Variants in MYO1F observed in about 807,000 individuals in gnomAD.
MYO1F encodes myosin IF.
In MYO1F, 60 loss-of-function variants were observed where a neutral mutation model predicts 146.6. That is an observed-to-expected ratio of 0.41 (90% CI 0.33 to 0.51). The LOEUF (loss-of-function observed/expected upper bound fraction) is 0.51. Ranked by LOEUF, MYO1F falls within the 20% of genes least tolerant of loss-of-function variation. The pLI, the probability that MYO1F is intolerant of heterozygous loss-of-function variation, is 0.25. For synonymous variants in MYO1F, 602 were observed against 602.1 expected, an observed-to-expected ratio of 1.00 and a Z score of 0.00; for missense variants, 1,274 against 1,534.3, an observed-to-expected ratio of 0.83 and a Z score of 2.83.
rs1599986707 is a variant in MYO1F at position 8,550,792 on chromosome 19, G to GA, written c.772-99dup. ...GGACCACAGCACGGACTCAGGGAGT[G>GA]AGCACCCTTGGGTCCCTGTCCTACC... On this transcript the variant is annotated intron_variant, in intron 8 of 27. Coordinates refer to ENST00000644032, the MANE Select transcript of MYO1F (RefSeq NM_012335.4). The GA allele has an allele frequency of 5.2e-6, 8 of 1,545,314 alleles. No individual in the cohort carries two copies. In the East Asian group the frequency reaches 1.8e-4, roughly 35 times the overall value.
Position 8,536,396 on chromosome 19 carries a change from C to T in MYO1F, c.1899G>A (p.Arg633=), listed in dbSNP as rs1972714637. 6.2e-7 allele frequency: 1 copy of T among 1,605,872 alleles called. No homozygotes were observed. Among genetic ancestry groups the T allele is most frequent in the African/African-American group, 1.3e-5 (1 of 74,656 alleles). Residue 633 remains arginine (R), a splice_region_variant and synonymous_variant, in exon 19 of 28, where the codon AGG becomes AGA. Coordinates refer to ENST00000644032, the MANE Select transcript of MYO1F (RefSeq NM_012335.4). ...YRRQFAKFLQ[R]YAILTPETWP... ...ACGTCTCGGGGGTCAGAATGGCATA[C>T]CTGAGGGCGGAGGGCTGGGGTGTGG...
chr19:8,526,531 A>C lies in MYO1F; in HGVS notation c.2692T>G (p.Phe898Val). ...GTRSVTFSRG[F>V]GDLAVLKVGG... The stretch of plus-strand genomic sequence containing the variant: ...ACCTTGAGCACTGCCAAGTCGCCGA[A>C]GCCGCGGGAGAAGGTGACGCTGCGG... The change falls in exon 24 of 28, where the codon TTC (phenylalanine) becomes GTC (valine). Residue 898 changes from phenylalanine to valine, a missense_variant. Phe to Val is a conservative substitution (Grantham distance 50). Transcript: ENST00000644032. 1.3e-6 allele frequency: 2 copies of C among 1,590,592 alleles called. No individual in the cohort carries two copies. The highest frequency in any genetic ancestry group is 1.7e-6 in the Non-Finnish European group (2 of 1,170,624).
chr19:8,536,818 G>C, intron 17 of MYO1F, 131 bp downstream of exon 17: 1 of 677,788 alleles, frequency 1.5e-6, no homozygotes, highest in Non-Finnish European at 2.6e-6. Context: ...TTCTGCAGGT[G>C]GGGGATTGTG....
chr19:8,544,141 G>C, intron 14 of MYO1F, 156 bp downstream of exon 14: 1 of 833,288 alleles, frequency 1.2e-6, no homozygotes, highest in Non-Finnish European at 2.0e-6. Context: ...TGGTTAGTAG[G>C]GGGTGGATTG....
At chr19:8,559,839 A>G (rs1974004601) in intron 1 of MYO1F, among the ~76,000 whole-genome samples, 1 of 150,232 alleles carries the variant, frequency 6.7e-6, no homozygotes, top group Non-Finnish European at 1.5e-5. Flanking sequence ...AATCCCAGCT[A>G]CTCGGGAGGC....
chr19:8,541,235 A>G (rs934398269), intron 15 of MYO1F, among the ~76,000 whole-genome samples: 2 of 151,938 alleles, frequency 1.3e-5, no homozygotes, highest in Admixed American at 6.6e-5. Flanking sequence ...GGGTCTTGCT[A>G]TGTTGCCCAG....
At position 8,530,303 on chromosome 19, in the gene MYO1F, C is replaced by A. The variant is rs776629967; in HGVS notation, c.2221G>T (p.Gly741Trp). 1 of 1,614,106 alleles carries A rather than the reference C, an allele frequency of 6.2e-7. No individual in the cohort carries two copies. Among genetic ancestry groups the A allele is most frequent in the Non-Finnish European group, 8.5e-7 (1 of 1,180,022 alleles). ...RRNSINRNFV[G>W]DYLGLEERPE... ...CGCTCCTCCAGCCCCAGGTAGTCCC[C>A]GACGAAGTTCCGATTGATGCTGTTG... is the stretch of plus-strand genomic sequence containing the variant. Residue 741 changes from glycine to tryptophan, a missense_variant, in exon 21 of 28, where the codon GGG (glycine) becomes TGG (tryptophan). By Grantham distance (184) the Gly-to-Trp change is radical. Coordinates refer to ENST00000644032, the MANE Select transcript of MYO1F (RefSeq NM_012335.4). This position sits in a 1 kb window ranked among gnomAD's most constrained non-coding sequence, Gnocchi z 5.8.
Position 8,537,147 on chromosome 19 carries a change from C to T in MYO1F, c.1693-92G>A. 5 of 854,544 alleles carry T rather than the reference C, an allele frequency of 5.9e-6. No individual in the cohort carries two copies. The South Asian group carries it at 7.1e-5, about 12-fold the overall frequency. 52.9% of individuals were successfully genotyped at this position (854,544 alleles called of 1,614,324 possible). ...CCACCCTGGATACAGTCCCAATAGA[C>T]AGAGACTGGGGGTGGGTGAGGGCTG... On this transcript the variant is annotated intron_variant, in intron 16 of 27. Coordinates refer to ENST00000644032, the MANE Select transcript of MYO1F (RefSeq NM_012335.4).
chr19:8,537,131 A>T (rs1192487298), intron 16 of MYO1F, 76 bp from the exon 17 acceptor site: 4 of 961,850 alleles, frequency 4.2e-6, no homozygotes, highest in Non-Finnish European at 6.5e-6. Flanking sequence ...TCCACCCTGG[A>T]TACAGTCCCA....
chr19:8,554,782 T>C, intron 2 of MYO1F, 39 bp from the exon 3 acceptor site: 1 of 1,590,142 alleles, frequency 6.3e-7, no homozygotes, highest in Non-Finnish European at 8.6e-7. Context: ...TCCTGGTAGG[T>C]TTTGTCCTCC....
At chr19:8,574,698 T>C (rs1347854697) in intron 1 of MYO1F, among the ~76,000 whole-genome samples, 1 of 109,030 alleles carries the variant, frequency 9.2e-6, no homozygotes, top group African/African-American at 2.9e-5. Flanking sequence ...TTTCTCTTTC[T>C]CTCTTTCTTT....
chr19:8,568,119 G>A (rs1334182682), intron 1 of MYO1F, among the ~76,000 whole-genome samples: 1 of 151,994 alleles, frequency 6.6e-6, no homozygotes, highest in Admixed American at 6.6e-5. Flanking sequence ...CCATGCTCCA[G>A]CCACCTGTAA....
chr19:8,525,644 T>A, intron 24 of MYO1F, 82 bp from the exon 25 acceptor site: 3 of 1,191,680 alleles, frequency 2.5e-6, no homozygotes, highest in Non-Finnish European at 3.6e-6. Flanking sequence ...ATTCTGAGGC[T>A]CCGCCGCACC....
At chr19:8,550,741 A>C (rs1362483877) in intron 8 of MYO1F, 47 bp from the exon 9 acceptor site, 2 of 1,611,518 alleles carry the variant, frequency 1.2e-6, no homozygotes, top group African/African-American at 2.7e-5. Flanking sequence ...CCTGGCCTCC[A>C]ACCTGCCTCC....
chr19:8,522,340 A>G, intron 27 of MYO1F, 37 bp downstream of exon 27: 3 of 1,612,534 alleles, frequency 1.9e-6, no homozygotes, highest in South Asian at 1.1e-5. Flanking sequence ...GGTTCTTACC[A>G]CTCCCCTCAC....
intron 27 of MYO1F, 38 bp from the exon 28 acceptor site, chr19:8,521,642 G>T (rs780912457): frequency 3.1e-6 from 5 of 1,593,144 alleles, no homozygotes; most frequent in African/African-American, 1.3e-5. Flanking sequence ...CCCCTAGCTG[G>T]CCCTGGAGAA....
At chr19:8,549,718 T>A (rs1380686027) in intron 10 of MYO1F, 2 of 193,166 alleles carry the variant, frequency 1.0e-5, no homozygotes, top group Non-Finnish European at 2.2e-5. Context: ...TTGGCCAGGC[T>A]GGTCTCAAAC....
chr19:8,521,886 C>T (rs1214813407), intron 27 of MYO1F, among the ~76,000 whole-genome samples: 1 of 152,124 alleles, frequency 6.6e-6, no homozygotes, highest in East Asian at 1.9e-4. Flanking sequence ...AACTCCTGAC[C>T]TCAAGTGATC....
At chr19:8,567,683 T>G (rs1276654414) in intron 1 of MYO1F, among the ~76,000 whole-genome samples, 2 of 152,164 alleles carry the variant, frequency 1.3e-5, no homozygotes, top group Non-Finnish European at 2.9e-5. Flanking sequence ...AAGAGAAAAC[T>G]ACAGCACAGA....
Sources: allele counts gnomAD v4.1 joint callset (sites outside exome capture counted in the v4.1 genomes callset), GRCh38; gene constraint gnomAD v4.1.1; non-coding constraint Gnocchi (gnomAD v3.1); transcripts MANE v1.5; gene names NCBI Gene and HGNC (gene_info 2026-07-23, HGNC 2026-07-21).